RRBP1: variants seen among roughly 807,000 people sequenced by gnomAD.
RRBP1 encodes ribosome-binding protein 1.
A neutral mutation model predicts 165.2 loss-of-function variants in RRBP1; 94 were observed. The ratio of observed to expected loss-of-function variants is 0.57; its 90% CI spans 0.48 to 0.68. The LOEUF (loss-of-function observed/expected upper bound fraction) is 0.68, where lower values mean the gene tolerates loss of function less well. Among genes scored for constraint, RRBP1 ranks in the 30% least tolerant of loss-of-function variants. The pLI, the probability that RRBP1 is intolerant of heterozygous loss-of-function variation, is 0.00. For missense variants in RRBP1, 1,676 were observed against 1,763.0 expected (o/e 0.95, Z 0.88); for synonymous variants, 680 against 714.5 (o/e 0.95, Z 0.77).
intron 3 of RRBP1, among the ~76,000 whole-genome samples, chr20:17,657,434 TAA>T (rs2036664985): frequency 6.6e-6 from 1 of 152,176 alleles, no homozygotes; most frequent in Non-Finnish European, 1.5e-5. Context: ...GAAGCCCAGC[TAA>T]AGACACAGGG....
intron 5 of RRBP1, chr20:17,641,586 G>A (rs1228503857): frequency 1.3e-5 from 8 of 609,466 alleles, no homozygotes; most frequent in African/African-American, 3.7e-5. Flanking sequence ...AAGCCACCAC[G>A]CCGTAGAGCC....
At chr20:17,635,459 G>C in intron 7 of RRBP1, 87 bp downstream of exon 7, 3 of 961,382 alleles carry the variant, frequency 3.1e-6, no homozygotes, top group Non-Finnish European at 4.7e-6. Context: ...CCTGGCTCTT[G>C]TGCCAGCTGC....
chr20:17,641,637 T>C lies in RRBP1; in HGVS notation c.2184+160A>G, dbSNP rs944867568. The C allele has an allele frequency of 5.7e-6, 5 of 880,336 alleles. No homozygotes were observed. The African/African-American group carries it at 6.6e-5, about 12-fold the overall frequency. The allele number at this position is 880,336 out of a possible 1,614,324, so 54.5% of individuals were successfully genotyped here. A position where few individuals can be genotyped will look rare whatever the true frequency, so the allele number is the denominator to read the frequency against. ...GGTGAGCTGCCGGCCCTTGGCTCTT[T>C]AGGCAGCAGATAAGCAGCAGTCCCT... On this transcript the variant is annotated intron_variant, in intron 5 of 24. Coordinates refer to ENST00000377813, the MANE Select transcript of RRBP1 (RefSeq NM_001365613.2).
intron 3 of RRBP1, among the ~76,000 whole-genome samples, chr20:17,646,843 T>C (rs2036471897): frequency 6.6e-6 from 1 of 152,124 alleles, no homozygotes; most frequent in South Asian, 2.1e-4. Flanking sequence ...GGATCCCCCA[T>C]GGCCAGGGCT....
rs2035738089 is a variant in RRBP1, at chr20:17,613,868, A to G, written c.*314T>C. 20 of 327,708 alleles carry G rather than the reference A, an allele frequency of 6.1e-5. No homozygotes were observed. The South Asian group carries it at 8.8e-4, about 14-fold the overall frequency. The allele number at this position is 327,708 out of a possible 1,614,324, so 20.3% of individuals were successfully genotyped here. On this transcript the variant is annotated 3_prime_UTR_variant, in exon 25 of 25. Coordinates refer to ENST00000377813, the MANE Select transcript of RRBP1 (RefSeq NM_001365613.2). ...AAACACTAAACGATTGCACTGACAG[A>G]CAGACCCCAGAGCGCCCGGCCTCCC...
intron 1 of RRBP1, among the ~76,000 whole-genome samples, 160 bp from the exon 2 acceptor site, chr20:17,680,235 G>A (rs991844396): frequency 6.6e-6 from 1 of 152,196 alleles, no homozygotes; most frequent in Non-Finnish European, 1.5e-5. Context: ...TGTGAGGAGG[G>A]AGGCGGGGCA....
intron 9 of RRBP1, among the ~76,000 whole-genome samples, chr20:17,628,300 C>T (rs143610107): frequency 1.0e-3 from 155 of 152,308 alleles, no homozygotes; most frequent in Non-Finnish European, 2.0e-3. Flanking sequence ...TTAGACAACG[C>T]AAACCCAACA....
At chr20:17,641,740 G>A (rs35748180) in intron 5 of RRBP1, 57 bp downstream of exon 5, 301,724 of 1,598,062 alleles carry the variant, frequency 0.19, 32,297 homozygotes, top group Non-Finnish European at 0.22. Context: ...TGGATGGGGC[G>A]GGGGTCCTCT....
chr20:17,635,189 T>TG (rs925910450), intron 7 of RRBP1, among the ~76,000 whole-genome samples: 26 of 152,252 alleles, frequency 1.7e-4, no homozygotes, highest in African/African-American at 6.3e-4. Flanking sequence ...CCACTTGCTG[T>TG]GGGCTGCGGT....
chr20:17,614,537 G>A (rs910085627), intron 24 of RRBP1, among the ~76,000 whole-genome samples, 200 bp downstream of exon 24: 70 of 152,164 alleles, frequency 4.6e-4, no homozygotes, highest in African/African-American at 1.6e-3. Flanking sequence ...AAGGGTGGGT[G>A]GTGGGCCGGG....
chr20:17,636,185 C>T (rs1377490074), intron 6 of RRBP1, among the ~76,000 whole-genome samples: 1 of 152,196 alleles, frequency 6.6e-6, no homozygotes, highest in Non-Finnish European at 1.5e-5. Flanking sequence ...GATTTTCAGG[C>T]CTTGGTATTA....
intron 24 of RRBP1, 144 bp from the exon 25 acceptor site, chr20:17,614,364 C>G (rs1410225671): frequency 3.9e-6 from 3 of 763,560 alleles, no homozygotes; most frequent in African/African-American, 1.7e-5. Flanking sequence ...AGCCACAGAC[C>G]CCTGGGGCTG....
intron 11 of RRBP1, 89 bp from the exon 12 acceptor site, chr20:17,625,691 C>A (rs1424093086): frequency 1.8e-6 from 2 of 1,095,640 alleles, no homozygotes; most frequent in South Asian, 2.6e-5. Context: ...GGGAGGAGTA[C>A]CTTCGAGGCT....
chr20:17,629,598 C>T (rs1254530665), intron 9 of RRBP1, among the ~76,000 whole-genome samples: 1 of 151,718 alleles, frequency 6.6e-6, no homozygotes, highest in Non-Finnish European at 1.5e-5. Flanking sequence ...ACAGCTCCAT[C>T]CCCCCACCTC....
chr20:17,616,712 G>T lies in RRBP1; in HGVS notation c.3867+20C>A. 1 of 1,537,852 alleles carries T rather than the reference G, an allele frequency of 6.5e-7. No individual in the cohort carries two copies. The highest frequency in any genetic ancestry group is 8.9e-7 in the Non-Finnish European group (1 of 1,118,174). ...TTCTGGGATTAGTGATGTGTCTGGG[G>T]ACCAGCTCACCGCCCTAACCTGAAC... On this transcript the variant is annotated intron_variant, in intron 21 of 24. Coordinates refer to ENST00000377813, the MANE Select transcript of RRBP1 (RefSeq NM_001365613.2).
chr20:17,635,422 C>T (rs548446818), intron 7 of RRBP1, 124 bp downstream of exon 7: 31 of 693,240 alleles, frequency 4.5e-5, no homozygotes, highest in Middle Eastern at 4.1e-4. Flanking sequence ...AAGGTCAGGA[C>T]GGCTCCGCAC....
At chr20:17,660,575 C>T in intron 2 of RRBP1, 47 bp from the exon 3 acceptor site, 1 of 1,162,424 alleles carries the variant, frequency 8.6e-7, no homozygotes, top group Non-Finnish European at 1.2e-6. Flanking sequence ...TCAAGGCCTT[C>T]AACAGTTTCT....
rs2035899275 is a variant in RRBP1 at position 17,620,780 on chromosome 20, T to C, written c.3442A>G (p.Ser1148Gly). 6.2e-7 allele frequency: 1 copy of C among 1,608,360 alleles called. No homozygotes were observed. Among genetic ancestry groups the C allele is most frequent in the Admixed American group, 1.7e-5 (1 of 59,984 alleles). ...CACACCTGCTCCTCCTCCTCCACGC[T>C]CTTCTGCAGGTCTCTGAGCATGCCC... Reference protein sequence around the residue: ...TEGMLRDLQKSVEEEEQVWRA... With the variant: ...TEGMLRDLQKGVEEEEQVWRA... The change falls in exon 17 of 25, where the codon AGC (serine) becomes GGC (glycine). Residue 1148 changes from serine (S) to glycine (G), a missense_variant. Transcript: ENST00000377813.
intron 11 of RRBP1, among the ~76,000 whole-genome samples, chr20:17,625,825 G>C (rs115159402): frequency 1.0e-3 from 152 of 151,146 alleles, no homozygotes; most frequent in African/African-American, 3.6e-3. Context: ...ACTGACCCCA[G>C]AGCTGTCACC....
Sources: allele counts gnomAD v4.1 joint callset (sites outside exome capture counted in the v4.1 genomes callset), GRCh38; gene constraint gnomAD v4.1.1; transcripts MANE v1.5; gene names NCBI Gene and HGNC (gene_info 2026-07-23, HGNC 2026-07-21).